HIBADH: variants seen among roughly 807,000 people sequenced by gnomAD.
The protein encoded by HIBADH is 3-hydroxyisobutyrate dehydrogenase, mitochondrial.
HIBADH carries 25 observed loss-of-function variants against 36.1 expected under a neutral mutation model. The ratio of observed to expected loss-of-function variants is 0.69; its 90% confidence interval spans 0.50 to 0.97. HIBADH has a LOEUF of 0.97. HIBADH is among the 50% of genes least tolerant of loss of function. HIBADH has a pLI of 0.00. For synonymous variants in HIBADH, 160 were observed against 149.5 expected, an observed-to-expected ratio of 1.07 and a Z score of -0.51; for missense variants, 421 against 418.0, an observed-to-expected ratio of 1.01 and a Z score of -0.06.
At chr7:27,629,253 T>A in intron 4 of HIBADH, 118 bp downstream of exon 4, 4 of 986,136 alleles carry the variant, frequency 4.1e-6, no homozygotes, top group Non-Finnish European at 5.8e-6. Flanking sequence ...TTATTTTTAA[T>A]GAGAATCCTG....
chr7:27,634,534 C>A (rs1327878966), intron 2 of HIBADH, among the ~76,000 whole-genome samples: 2 of 152,132 alleles, frequency 1.3e-5, no homozygotes, highest in African/African-American at 2.4e-5. Context: ...CTATACTATA[C>A]CAAATATATG....
rs557082570 is a variant in HIBADH, at chr7:27,599,725, A to G, written c.484+29646T>C. On this transcript the variant is annotated intron_variant, in intron 4 of 7. Transcript: ENST00000265395. ...AAAAAATTGATTACAGCTGAACAAC[A>G]GAAAGTAAAATAATACAAATAAAAC... Among the ~76,000 whole-genome samples, 1,093 of 151,552 alleles carry G rather than the reference A, an allele frequency of 7.2e-3. 6 individuals carry two copies. The highest frequency in any genetic ancestry group is 0.014 in the Middle Eastern group (4 of 294).
chr7:27,609,107 T>C (rs924905415), intron 4 of HIBADH, among the ~76,000 whole-genome samples: 1 of 152,186 alleles, frequency 6.6e-6, no homozygotes, highest in Non-Finnish European at 1.5e-5. Context: ...TAATAGTAAT[T>C]ATTACTAACA....
At chr7:27,531,454 G>T in intron 6 of HIBADH, 106 bp from the exon 7 acceptor site, 1 of 1,015,494 alleles carries the variant, frequency 9.8e-7, no homozygotes, top group Non-Finnish European at 1.4e-6. Context: ...TTTATTATAT[G>T]TCTTCTAAAA....
chr7:27,609,138 TA>T (rs1353051382), intron 4 of HIBADH, among the ~76,000 whole-genome samples: 2 of 152,176 alleles, frequency 1.3e-5, no homozygotes, highest in Admixed American at 1.3e-4. Flanking sequence ...AGAGCAATAA[TA>T]AAAAATACTG....
At chr7:27,657,582 G>T (rs984446696) in intron 1 of HIBADH, among the ~76,000 whole-genome samples, 11 of 152,090 alleles carry the variant, frequency 7.2e-5, no homozygotes, top group African/African-American at 2.7e-4. Flanking sequence ...ATGAGGCCAT[G>T]TTGGATGGGC....
chr7:27,571,895 A>T (rs1459528702), intron 4 of HIBADH, among the ~76,000 whole-genome samples: 1 of 152,254 alleles, frequency 6.6e-6, no homozygotes, highest in Non-Finnish European at 1.5e-5. Context: ...ACTATTGTAA[A>T]GATTCAGGAG....
At chr7:27,572,264 G>A (rs1485704017) in intron 4 of HIBADH, among the ~76,000 whole-genome samples, 1 of 152,266 alleles carries the variant, frequency 6.6e-6, no homozygotes, top group East Asian at 1.9e-4. Context: ...ATTCTCTAAT[G>A]AGAAATGTAA....
chr7:27,624,164 CA>C lies in HIBADH; in HGVS notation c.484+5206del, dbSNP rs201048268. ...TCTAAATATTCAATGCAATCTCTACCAAATTACCAAGTTATTTTTCACAATA... is the reference window on the plus strand; with the variant it reads ...TCTAAATATTCAATGCAATCTCTACCAATTACCAAGTTATTTTTCACAATA... On this transcript the variant is annotated intron_variant, in intron 4 of 7. Coordinates refer to ENST00000265395, the MANE Select transcript of HIBADH (RefSeq NM_152740.4). Among the ~76,000 whole-genome samples the C allele has an allele frequency of 8.7e-3, 1,308 of 150,084 alleles. 58 individuals carry two copies. The highest frequency in any genetic ancestry group is 0.071 in the Admixed American group (1,055 of 14,958).
At chr7:27,593,829 AATT>A (rs1784982225) in intron 4 of HIBADH, among the ~76,000 whole-genome samples, 2 of 152,022 alleles carry the variant, frequency 1.3e-5, no homozygotes, top group South Asian at 4.1e-4. Flanking sequence ...GTAGAGTTCA[AATT>A]AATATATAGA....
intron 4 of HIBADH, among the ~76,000 whole-genome samples, chr7:27,616,896 G>A (rs759548656): frequency 3.3e-5 from 5 of 152,104 alleles, no homozygotes; most frequent in African/African-American, 4.8e-5. Context: ...TTGCTGTTTC[G>A]AGTATTATTA....
At chr7:27,614,334 T>C (rs570405676) in intron 4 of HIBADH, among the ~76,000 whole-genome samples, 1 of 152,262 alleles carries the variant, frequency 6.6e-6, no homozygotes, top group South Asian at 2.1e-4. Flanking sequence ...GATAACAAAA[T>C]GTAGAGGCAG....
chr7:27,541,469 T>C (rs897695853), intron 5 of HIBADH, among the ~76,000 whole-genome samples: 9 of 152,336 alleles, frequency 5.9e-5, no homozygotes, highest in Admixed American at 2.0e-4. Context: ...GCATTTTCAA[T>C]GTGAGATAAA....
At chr7:27,561,674 T>C (rs1020082092) in intron 4 of HIBADH, among the ~76,000 whole-genome samples, 2 of 152,190 alleles carry the variant, frequency 1.3e-5, no homozygotes, top group African/African-American at 2.4e-5. Flanking sequence ...TTTTTGTTGT[T>C]TGATCATCAA....
At chr7:27,584,948 C>T (rs968212398) in intron 4 of HIBADH, among the ~76,000 whole-genome samples, 1 of 151,846 alleles carries the variant, frequency 6.6e-6, no homozygotes, top group East Asian at 1.9e-4. Context: ...ATGGAGGGTA[C>T]ACTGAGAACC....
chr7:27,617,715 C>T (rs1413077455), intron 4 of HIBADH, among the ~76,000 whole-genome samples: 4 of 152,190 alleles, frequency 2.6e-5, no homozygotes, highest in African/African-American at 9.7e-5. Context: ...CAGCAGTCCA[C>T]GTCTCTGCAA....
At chr7:27,607,568 C>A (rs1408206232) in intron 4 of HIBADH, among the ~76,000 whole-genome samples, 2 of 152,084 alleles carry the variant, frequency 1.3e-5, no homozygotes, top group African/African-American at 4.8e-5. Flanking sequence ...AGAATTATGT[C>A]GCTGCTCTTA....
intron 1 of HIBADH, among the ~76,000 whole-genome samples, chr7:27,657,650 CT>C (rs1366718267): frequency 5.3e-5 from 8 of 152,058 alleles, no homozygotes; most frequent in Non-Finnish European, 8.8e-5. Flanking sequence ...TTTATTTCAT[CT>C]TTCTCTGTGG....
At chr7:27,596,741 G>T (rs990763442) in intron 4 of HIBADH, among the ~76,000 whole-genome samples, 2 of 152,114 alleles carry the variant, frequency 1.3e-5, no homozygotes, top group African/African-American at 4.8e-5. Context: ...GATTCTTTCA[G>T]ATGTTGGAAT....
Sources: allele counts gnomAD v4.1 joint callset (sites outside exome capture counted in the v4.1 genomes callset), GRCh38; gene constraint gnomAD v4.1.1; transcripts MANE v1.5; gene names NCBI Gene and HGNC (gene_info 2026-07-23, HGNC 2026-07-21).